The following ATP11B variants were observed in gnomAD, a reference collection of about 807,000 sequenced individuals.
ATP11B encodes the protein ATPase phospholipid transporting 11B (putative), also known as phospholipid-transporting ATPase IF.
Under a neutral mutation model 157.8 loss-of-function variants are expected in ATP11B, and 81 were observed. The ratio of observed to expected loss-of-function variants is 0.51; its 90% CI spans 0.43 to 0.62. The LOEUF (loss-of-function observed/expected upper bound fraction) is 0.62. ATP11B is among the 20% of genes least tolerant of loss of function. ATP11B has a pLI of 0.00. For missense variants in ATP11B, 1,165 were observed against 1,402.2 expected, an observed-to-expected ratio of 0.83 and a Z score of 2.70; for synonymous variants, 451 against 469.4, an observed-to-expected ratio of 0.96 and a Z score of 0.51.
In ATP11B at chr3:182,887,717, A is replaced by G. The variant is rs376381570; in HGVS notation, c.2843+4A>G. ...AAAATAAGCCCACCCTTTATCGGTA[A>G]GTATTTTCTGGTATTAAATGGCCTT... On this transcript the variant is annotated splice_donor_region_variant and intron_variant, in intron 24 of 29. Transcript: ENST00000323116. The G allele has an allele frequency of 1.1e-5, 18 of 1,607,630 alleles. No individual in the cohort carries two copies. Among genetic ancestry groups the G allele is most frequent in the Non-Finnish European group, 1.5e-5 (18 of 1,178,710 alleles).
At chr3:182,839,549 CGTG>C (rs1255000491) in intron 7 of ATP11B, among the ~76,000 whole-genome samples, 9 of 151,722 alleles carry the variant, frequency 5.9e-5, no homozygotes, top group Non-Finnish European at 1.0e-4. Flanking sequence ...GTAATATTCT[CGTG>C]GTAGGATTTC....
At chr3:182,857,720 A>G (rs995552995) in intron 10 of ATP11B, among the ~76,000 whole-genome samples, 158 bp from the exon 11 acceptor site, 5 of 152,200 alleles carry the variant, frequency 3.3e-5, no homozygotes, top group East Asian at 1.9e-4. Flanking sequence ...ATTCTATTTA[A>G]CGGTTATTTC....
At chr3:182,907,914 G>A (rs531337153) in intron 28 of ATP11B, among the ~76,000 whole-genome samples, 1 of 152,228 alleles carries the variant, frequency 6.6e-6, no homozygotes, top group South Asian at 2.1e-4. Flanking sequence ...TAAATAACAG[G>A]AGCCTTATTA....
At chr3:182,909,431 C>T (rs1724608237) in intron 28 of ATP11B, among the ~76,000 whole-genome samples, 1 of 152,116 alleles carries the variant, frequency 6.6e-6, no homozygotes, top group Admixed American at 6.5e-5. Context: ...CTCTTGGTAC[C>T]ACTAGGTGGG....
At chr3:182,830,778 A>G (rs766847530) in intron 4 of ATP11B, among the ~76,000 whole-genome samples, 6 of 152,210 alleles carry the variant, frequency 3.9e-5, no homozygotes, top group Non-Finnish European at 7.3e-5. Flanking sequence ...ATGCATCTAC[A>G]TGTCAGAGAA....
intron 21 of ATP11B, among the ~76,000 whole-genome samples, chr3:182,882,595 C>A (rs1034358076): frequency 1.3e-5 from 2 of 150,992 alleles, no homozygotes; most frequent in African/African-American, 4.9e-5. Flanking sequence ...TTATAAAGAC[C>A]CTAAAAAGTA....
chr3:182,841,833 G>T (rs1240297872), intron 7 of ATP11B, among the ~76,000 whole-genome samples: 1 of 151,318 alleles, frequency 6.6e-6, no homozygotes, highest in Non-Finnish European at 1.5e-5. Context: ...AAAAAAATTA[G>T]CCAGGTGTGG....
At chr3:182,904,937 A>G (rs1004206069) in intron 28 of ATP11B, among the ~76,000 whole-genome samples, 34 of 150,974 alleles carry the variant, frequency 2.3e-4, no homozygotes, top group Non-Finnish European at 4.4e-4. Flanking sequence ...CTTATTAACA[A>G]TTTTCTTTTG....
intron 1 of ATP11B, among the ~76,000 whole-genome samples, chr3:182,817,114 C>T (rs1485718148): frequency 6.6e-6 from 1 of 152,090 alleles, no homozygotes; most frequent in Non-Finnish European, 1.5e-5. Context: ...AATAAAAAGC[C>T]TCAGAATGCA....
intron 1 of ATP11B, 49 bp downstream of exon 1, chr3:182,793,835 T>G (rs1367662474): frequency 8.2e-7 from 1 of 1,219,102 alleles, no homozygotes; most frequent in Non-Finnish European, 1.0e-6. Flanking sequence ...CCGCGGGGCC[T>G]CTCGGCCCGG....
rs1015971061 is a variant in ATP11B at position 182,920,106 on chromosome 3, C to T, written c.*2002C>T. On this transcript the variant is annotated 3_prime_UTR_variant, in exon 30 of 30. Coordinates refer to ENST00000323116, the MANE Select transcript of ATP11B (RefSeq NM_014616.3). ...CCGTGTTTATTTGCCATCAAATAAA[C>T]TGAGTACTGACACCAGACAAAGACT... The T allele has an allele frequency of 2.0e-5, 3 of 152,134 alleles. No homozygotes were observed. The highest frequency in any genetic ancestry group is 1.5e-5 in the Non-Finnish European group (1 of 68,028). 9.4% of individuals were successfully genotyped at this position (152,134 alleles called of 1,614,324 possible).
At chr3:182,816,176 A>G (rs1468682429) in intron 1 of ATP11B, among the ~76,000 whole-genome samples, 2 of 152,196 alleles carry the variant, frequency 1.3e-5, no homozygotes, top group Admixed American at 6.5e-5. Context: ...GAATTTCATA[A>G]TTTTTAAGAA....
At chr3:182,795,187 A>G (rs902747626) in intron 1 of ATP11B, among the ~76,000 whole-genome samples, 1 of 152,220 alleles carries the variant, frequency 6.6e-6, no homozygotes, top group South Asian at 2.1e-4. Context: ...ATCTTGTAAT[A>G]CTTTGGCTTT....
chr3:182,805,750 C>T (rs957682967), intron 1 of ATP11B, among the ~76,000 whole-genome samples: 4 of 151,870 alleles, frequency 2.6e-5, no homozygotes, highest in African/African-American at 9.7e-5. Context: ...CGTGAGCCAC[C>T]GCACTGGGCC....
At chr3:182,917,267 C>T in intron 29 of ATP11B, 1 of 985,312 alleles carries the variant, frequency 1.0e-6, no homozygotes, top group Non-Finnish European at 1.2e-6. Flanking sequence ...CAGTCTTTCA[C>T]TTGGTAATCC....
intron 26 of ATP11B, 139 bp downstream of exon 26, chr3:182,896,904 ATAGT>A: frequency 1.5e-6 from 1 of 652,318 alleles, no homozygotes; most frequent in Admixed American, 2.7e-5. Flanking sequence ...TACTATTTTA[ATAGT>A]TAAATTTTTG....
chr3:182,904,658 T>C (rs974801044), intron 28 of ATP11B, among the ~76,000 whole-genome samples: 2 of 152,116 alleles, frequency 1.3e-5, no homozygotes, highest in Non-Finnish European at 2.9e-5. Flanking sequence ...GAGGCCAAGA[T>C]GGGTGGATCC....
chr3:182,906,363 A>G (rs1016618573), intron 28 of ATP11B, among the ~76,000 whole-genome samples: 15 of 152,168 alleles, frequency 9.9e-5, no homozygotes, highest in Non-Finnish European at 1.8e-4. Context: ...CTTAAGTTGA[A>G]TGATCAAAGA....
intron 10 of ATP11B, 103 bp from the exon 11 acceptor site, chr3:182,857,775 C>T (rs1374219668): frequency 6.0e-6 from 4 of 662,668 alleles, no homozygotes; most frequent in Non-Finnish European, 7.6e-6. Context: ...CAGTAATACC[C>T]TCTATGTTTT....
Sources: gnomAD v4.1 joint callset for allele counts (sites outside exome capture counted in the v4.1 genomes callset) on GRCh38, gnomAD v4.1.1 for gene constraint, MANE v1.5 for transcripts, NCBI Gene and HGNC (gene_info 2026-07-23, HGNC 2026-07-21) for gene names.